Variants in VCF1 observed in about 807,000 individuals in gnomAD.
VCF1 encodes the protein VCP nuclear cofactor family member 1.
the VCF1 span, chr17:73,232,071 T>C: frequency 6.3e-7 from 1 of 1,587,040 alleles, no homozygotes; most frequent in Non-Finnish European, 8.6e-7. Flanking sequence ...GGAAAGGGGG[T>C]CCCTTCCCTC....
chr17:73,209,847 C>T, the VCF1 span: 1 of 1,514,870 alleles, frequency 6.6e-7, no homozygotes, highest in Non-Finnish European at 8.8e-7. Flanking sequence ...ATGTACAGCG[C>T]TCTATTAAGA....
At chr17:73,232,248 T>G in the VCF1 span, 3 of 1,611,398 alleles carry the variant, frequency 1.9e-6, no homozygotes, top group Non-Finnish European at 2.5e-6. Context: ...CGGTGGCGAG[T>G]ACCCCTCAGT....
the VCF1 span, chr17:73,212,729 T>A: frequency 6.3e-7 from 1 of 1,588,492 alleles, no homozygotes; most frequent in South Asian, 1.1e-5. Flanking sequence ...TGTTTCTCAT[T>A]ACAGGTACTG....
the VCF1 span, among the ~76,000 whole-genome samples, chr17:73,223,996 G>A: frequency 6.7e-6 from 1 of 149,784 alleles, no homozygotes; most frequent in African/African-American, 2.5e-5. Flanking sequence ...AAGAAAGAAA[G>A]GGAGGAAGGA....
chr17:73,210,136 G>A, the VCF1 span, among the ~76,000 whole-genome samples: 14 of 152,138 alleles, frequency 9.2e-5, no homozygotes, highest in Admixed American at 7.9e-4. Flanking sequence ...AAAGAAGGCA[G>A]TTCTCAGCCT....
At chr17:73,231,847 G>T in the VCF1 span, among the ~76,000 whole-genome samples, 1 of 152,058 alleles carries the variant, frequency 6.6e-6, no homozygotes, top group African/African-American at 2.4e-5. Context: ...AAAGACAGGG[G>T]GGAAAAAAGA....
the VCF1 span, chr17:73,232,368 G>C: frequency 6.8e-7 from 1 of 1,459,958 alleles, no homozygotes; most frequent in Non-Finnish European, 9.0e-7. Flanking sequence ...CAACCGCACC[G>C]ACTGGTAACC....
the VCF1 span, among the ~76,000 whole-genome samples, chr17:73,219,667 GA>G: frequency 1.3e-5 from 2 of 148,410 alleles, no homozygotes; most frequent in South Asian, 4.3e-4. Flanking sequence ...AAAGAAAAAA[GA>G]AAAAAAAATG....
chr17:73,223,232 G>T, the VCF1 span, among the ~76,000 whole-genome samples: 1 of 152,086 alleles, frequency 6.6e-6, no homozygotes, highest in African/African-American at 2.4e-5. Flanking sequence ...CAGGATAATC[G>T]CTTGAATCCA....
chr17:73,214,511 T>C, the VCF1 span, among the ~76,000 whole-genome samples: 4 of 152,212 alleles, frequency 2.6e-5, no homozygotes, highest in Admixed American at 2.6e-4. Flanking sequence ...ATCTGCTTTA[T>C]GGGATAAAGG....
the VCF1 span, chr17:73,229,388 C>T: frequency 2.0e-6 from 2 of 985,346 alleles, no homozygotes; most frequent in African/African-American, 1.7e-5. Flanking sequence ...GGCATTAATG[C>T]CACAGACCAG....
At chr17:73,230,070 G>A in the VCF1 span, among the ~76,000 whole-genome samples, 2 of 152,046 alleles carry the variant, frequency 1.3e-5, no homozygotes, top group South Asian at 4.2e-4. Flanking sequence ...GCCGAGGCGG[G>A]TGGATCCCTT....
At chr17:73,207,895 T>G in the VCF1 span, 2 of 1,186,394 alleles carry the variant, frequency 1.7e-6, no homozygotes, top group South Asian at 1.7e-5. Context: ...CTAAAATCCT[T>G]GTCAAGTATC....
the VCF1 span, among the ~76,000 whole-genome samples, chr17:73,220,857 T>C: frequency 6.6e-6 from 1 of 151,236 alleles, no homozygotes; most frequent in South Asian, 2.1e-4. Flanking sequence ...TTGAGGTCTT[T>C]GTACTTTTAA....
the VCF1 span, among the ~76,000 whole-genome samples, chr17:73,221,667 T>A: frequency 6.6e-6 from 1 of 152,098 alleles, no homozygotes; most frequent in Non-Finnish European, 1.5e-5. Flanking sequence ...GGTGGAAGGA[T>A]TGCTTGAGCC....
the VCF1 span, among the ~76,000 whole-genome samples, chr17:73,226,405 T>C: frequency 3.9e-5 from 6 of 152,338 alleles, no homozygotes; most frequent in African/African-American, 1.2e-4. Context: ...CTAATTAAAG[T>C]ACAAATTATT....
the VCF1 span, chr17:73,227,285 G>GA: frequency 0.046 from 57,147 of 1,231,536 alleles, 73 homozygotes; most frequent in African/African-American, 0.088. Flanking sequence ...ATCACAAGGA[G>GA]AAAAAAAAAA....
the VCF1 span, chr17:73,207,970 C>T: frequency 8.0e-7 from 1 of 1,248,956 alleles, no homozygotes; most frequent in Admixed American, 3.6e-5. Flanking sequence ...ACCATCCAGT[C>T]CCTAAGCATG....
At chr17:73,225,177 C>T in the VCF1 span, among the ~76,000 whole-genome samples, 3 of 152,178 alleles carry the variant, frequency 2.0e-5, no homozygotes, top group African/African-American at 7.2e-5. Flanking sequence ...GGAAGACAAT[C>T]TAGTCCTTCC....
Sources: gnomAD v4.1 joint callset for allele counts (sites outside exome capture counted in the v4.1 genomes callset) on GRCh38, gnomAD v4.1.1 for gene constraint, MANE v1.5 for transcripts, NCBI Gene and HGNC (gene_info 2026-07-23, HGNC 2026-07-21) for gene names.